The following SVIL variants were observed in gnomAD, a reference collection of about 807,000 sequenced individuals.
The protein encoded by SVIL is supervillin, also known as archvillin.
Under a neutral mutation model 240.4 loss-of-function variants are expected in SVIL, and 101 were observed. That is an observed-to-expected ratio of 0.42 (90% CI 0.36 to 0.50). The LOEUF (loss-of-function observed/expected upper bound fraction) is 0.50, where lower values mean the gene tolerates loss of function less well. SVIL is among the 20% of genes least tolerant of loss of function. The pLI, the probability that SVIL is intolerant of heterozygous loss-of-function variation, is 0.01. For synonymous variants in SVIL, 999 were observed against 1,100.0 expected (o/e 0.91, Z 1.82); for missense variants, 2,512 against 2,818.7 (o/e 0.89, Z 2.46).
intron 21 of SVIL, among the ~76,000 whole-genome samples, chr10:29,491,731 G>C (rs766887032): frequency 7.2e-4 from 110 of 152,230 alleles, no homozygotes; most frequent in Middle Eastern, 3.4e-3. Flanking sequence ...AGCTGCGCGG[G>C]CCTCTGTGCC....
chr10:29,612,786 C>T (rs1157171210), intron 1 of SVIL, among the ~76,000 whole-genome samples: 1 of 152,150 alleles, frequency 6.6e-6, no homozygotes, highest in Non-Finnish European at 1.5e-5. Flanking sequence ...CACAAACGTC[C>T]AATCTGTACA....
chr10:29,528,084 GTAGATT>G (rs1156713701), intron 12 of SVIL, among the ~76,000 whole-genome samples: 3 of 152,100 alleles, frequency 2.0e-5, no homozygotes, highest in Non-Finnish European at 2.9e-5. Flanking sequence ...GCACATCAAG[GTAGATT>G]TATTGAGCCT....
At chr10:29,583,747 C>G in intron 1 of SVIL, among the ~76,000 whole-genome samples, 1 of 152,162 alleles carries the variant, frequency 6.6e-6, no homozygotes, top group East Asian at 1.9e-4. Context: ...CATATTATTG[C>G]ACCAGGAAAG....
chr10:29,587,968 CT>C (rs1956237285), intron 1 of SVIL, among the ~76,000 whole-genome samples: 1 of 152,206 alleles, frequency 6.6e-6, no homozygotes, highest in African/African-American at 2.4e-5. Flanking sequence ...CTCAGAGACT[CT>C]CCCCCACCCT....
At chr10:29,689,663 C>T (rs1961356503) in intron 1 of SVIL, among the ~76,000 whole-genome samples, 1 of 152,210 alleles carries the variant, frequency 6.6e-6, no homozygotes, top group Non-Finnish European at 1.5e-5. Flanking sequence ...GTATTCATGA[C>T]CCAAATCCCT....
intron 6 of SVIL, among the ~76,000 whole-genome samples, chr10:29,546,753 C>A (rs1056172408): frequency 6.6e-6 from 1 of 152,066 alleles, no homozygotes; most frequent in African/African-American, 2.4e-5. Flanking sequence ...TGAGTGTCAT[C>A]GTATTCGTAT....
intron 27 of SVIL, among the ~76,000 whole-genome samples, chr10:29,481,964 G>A (rs961906904): frequency 6.6e-6 from 1 of 151,396 alleles, no homozygotes; most frequent in African/African-American, 2.4e-5. Context: ...GCCTGAATGT[G>A]ACATGAACCA....
At chr10:29,502,785 T>A (rs1446394882) in intron 17 of SVIL, among the ~76,000 whole-genome samples, 1 of 152,182 alleles carries the variant, frequency 6.6e-6, no homozygotes. Context: ...AGCTTGAAAC[T>A]GTGCAAAGGA....
chr10:29,646,786 C>A (rs1261500259), intron 3 of SVIL, among the ~76,000 whole-genome samples: 1 of 152,132 alleles, frequency 6.6e-6, no homozygotes, highest in African/African-American at 2.4e-5. Context: ...ACATGGGAAC[C>A]CACGAGGCAA....
chr10:29,486,524 T>G lies in SVIL; in HGVS notation c.4519A>C (p.Arg1507=). 1 of 1,614,182 alleles carries G rather than the reference T, an allele frequency of 6.2e-7. No individual in the cohort carries two copies. The highest frequency in any genetic ancestry group is 8.5e-7 in the Non-Finnish European group (1 of 1,180,046). Residue 1507 remains arginine, a synonymous_variant, in exon 25 of 38, where the codon AGG becomes CGG. Coordinates refer to ENST00000355867, the MANE Select transcript of SVIL (RefSeq NM_021738.3). The stretch of plus-strand genomic sequence containing the variant: ...TAAGTAGCTCTACAACCAAGTTCCC[T>G]CTTTGTCTGAATTAAAGTTGCAAGT... ...SELATLIQTK[R]ELGCRATYIQ... is the part of the protein sequence containing the mutation.
chr10:29,580,030 A>G (rs1444219163), intron 1 of SVIL, among the ~76,000 whole-genome samples: 1 of 151,992 alleles, frequency 6.6e-6, no homozygotes. Flanking sequence ...CTTAAAATAC[A>G]TCTCTGAAGG....
chr10:29,582,540 C>G (rs995322869), intron 1 of SVIL, among the ~76,000 whole-genome samples: 1 of 152,030 alleles, frequency 6.6e-6, no homozygotes, highest in African/African-American at 2.4e-5. Flanking sequence ...AGTTAGAGAC[C>G]AGCCTGGGCA....
At chr10:29,670,634 C>G (rs1333355335) in intron 2 of SVIL, among the ~76,000 whole-genome samples, 1 of 149,644 alleles carries the variant, frequency 6.7e-6, no homozygotes, top group Non-Finnish European at 1.5e-5. Context: ...TTCAGCTGCT[C>G]TAAGATTTAT....
intron 1 of SVIL, among the ~76,000 whole-genome samples, chr10:29,721,680 A>C (rs527939162): frequency 2.6e-5 from 4 of 152,236 alleles, no homozygotes; most frequent in Non-Finnish European, 5.9e-5. Flanking sequence ...GGGTTTATTC[A>C]CCTTAATAAT....
At chr10:29,556,629 T>G (rs1427361195) in intron 3 of SVIL, among the ~76,000 whole-genome samples, 1 of 152,216 alleles carries the variant, frequency 6.6e-6, no homozygotes, top group Admixed American at 6.5e-5. Context: ...GGTCTCCCAG[T>G]TGGCCTCCCC....
chr10:29,571,952 A>T (rs79998960), intron 1 of SVIL, among the ~76,000 whole-genome samples: 9,249 of 152,064 alleles, frequency 0.061, 347 homozygotes, highest in Admixed American at 0.12. Context: ...ACTCTGAGTT[A>T]CTCTTTGTAT....
At chr10:29,545,853 C>CAAAAAAAAAAAAAAAA (rs755360700) in intron 6 of SVIL, among the ~76,000 whole-genome samples, 11 of 63,588 alleles carry the variant, frequency 1.7e-4, no homozygotes, top group Non-Finnish European at 2.3e-4. Context: ...GACTCTGTCT[C>CAAAAAAAAAAAAAAAA]AAAAAAAAAA....
At chr10:29,649,924 G>A (rs12412148) in intron 3 of SVIL, among the ~76,000 whole-genome samples, 6,282 of 152,268 alleles carry the variant, frequency 0.041, 209 homozygotes, top group Admixed American at 0.096. Flanking sequence ...TCTTTATCAC[G>A]AGAGTGGATT....
At chr10:29,727,839 C>G (rs1165210982) in intron 1 of SVIL, among the ~76,000 whole-genome samples, 1 of 151,992 alleles carries the variant, frequency 6.6e-6, no homozygotes, top group Non-Finnish European at 1.5e-5. Context: ...GCACTGCAAA[C>G]AGTGCTAGAC....
Sources: allele counts gnomAD v4.1 joint callset (sites outside exome capture counted in the v4.1 genomes callset), GRCh38; gene constraint gnomAD v4.1.1; transcripts MANE v1.5; gene names NCBI Gene and HGNC (gene_info 2026-07-23, HGNC 2026-07-21).